LRRC37A: variants seen among roughly 807,000 people sequenced by gnomAD.
LRRC37A encodes leucine-rich repeat-containing protein 37A.
Under a neutral mutation model 35.4 loss-of-function variants are expected in LRRC37A, and 3 were observed. The ratio of observed to expected loss-of-function variants is 0.08; its 90% CI spans 0.04 to 0.22. The LOEUF is 0.22. LRRC37A is among the 10% of genes least tolerant of loss of function. The pLI, the probability that LRRC37A is intolerant of heterozygous loss-of-function variation, is 1.00. For synonymous variants in LRRC37A, 23 were observed against 215.0 expected, an observed-to-expected ratio of 0.11 and a Z score of 7.81; for missense variants, 67 against 565.3, an observed-to-expected ratio of 0.12 and a Z score of 8.94.
At chr17:46,275,768 T>G in the LRRC37A span, among the ~76,000 whole-genome samples, 1 of 152,240 alleles carries the variant, frequency 6.6e-6, no homozygotes, top group Admixed American at 6.5e-5. Context: ...TGTGTGTGTT[T>G]ATTTACACGG....
At chr17:46,248,387 T>C in the LRRC37A span, among the ~76,000 whole-genome samples, 10,063 of 133,272 alleles carry the variant, frequency 0.076, 2 homozygotes, top group Middle Eastern at 0.14. Flanking sequence ...TGTCCCTTTG[T>C]AGTCAATCAC....
the LRRC37A span, among the ~76,000 whole-genome samples, chr17:46,273,134 T>C: frequency 6.6e-6 from 1 of 152,236 alleles, no homozygotes; most frequent in East Asian, 1.9e-4. Context: ...TAAGCCCATA[T>C]ATATTTCTAT....
At chr17:46,281,578 C>T in the LRRC37A span, among the ~76,000 whole-genome samples, 7 of 152,240 alleles carry the variant, frequency 4.6e-5, no homozygotes, top group South Asian at 2.1e-4. Context: ...TACAGGTGCA[C>T]GCCACTATGC....
chr17:46,290,118 TA>T (rs1455689833), upstream of LRRC37A, among the ~76,000 whole-genome samples: 2 of 148,298 alleles, frequency 1.3e-5, no homozygotes, highest in Non-Finnish European at 3.1e-5. Flanking sequence ...GACCCTGTCT[TA>T]AAACAAAACA....
the LRRC37A span, among the ~76,000 whole-genome samples, chr17:46,257,473 A>G: frequency 2.7e-5 from 3 of 109,358 alleles, no homozygotes; most frequent in African/African-American, 9.5e-5. Context: ...AAAAAAAAAA[A>G]GTAACACTTT....
chr17:46,279,477 C>A, the LRRC37A span, among the ~76,000 whole-genome samples: 3 of 151,104 alleles, frequency 2.0e-5, no homozygotes, highest in Non-Finnish European at 4.4e-5. Context: ...AGCCACCGCA[C>A]CTGGCCTTTT....
At chr17:46,254,699 G>T in the LRRC37A span, among the ~76,000 whole-genome samples, 1 of 150,018 alleles carries the variant, frequency 6.7e-6, no homozygotes, top group Non-Finnish European at 1.5e-5. Flanking sequence ...GTGCCACCGC[G>T]CCTGGCAATT....
intron 5 of LRRC37A, among the ~76,000 whole-genome samples, chr17:46,317,374 G>C (rs2051215877): frequency 1.3e-5 from 1 of 77,060 alleles, no homozygotes; most frequent in African/African-American, 3.3e-5. Context: ...TCTTATTGAG[G>C]ATCCCTTGTA....
chr17:46,268,645 CA>C, the LRRC37A span: 6 of 1,546,786 alleles, frequency 3.9e-6, no homozygotes, highest in East Asian at 2.5e-5. Flanking sequence ...AGGTTTAACC[CA>C]AAAAGGGAAG....
At chr17:46,252,846 A>G in the LRRC37A span, among the ~76,000 whole-genome samples, 1 of 151,892 alleles carries the variant, frequency 6.6e-6, no homozygotes, top group South Asian at 2.1e-4. Flanking sequence ...TACTCCACAA[A>G]ACCGCCATTG....
chr17:46,249,222 C>T, the LRRC37A span, among the ~76,000 whole-genome samples: 1 of 152,138 alleles, frequency 6.6e-6, no homozygotes, highest in African/African-American at 2.4e-5. Flanking sequence ...GTGGAAACCC[C>T]ATCTCTACTA....
At chr17:46,272,507 C>T in the LRRC37A span, among the ~76,000 whole-genome samples, 1 of 152,188 alleles carries the variant, frequency 6.6e-6, no homozygotes, top group African/African-American at 2.4e-5. Flanking sequence ...CTCCGCCTCC[C>T]AGGTTCAAGT....
At chr17:46,253,075 G>A in the LRRC37A span, among the ~76,000 whole-genome samples, 1 of 147,518 alleles carries the variant, frequency 6.8e-6, no homozygotes, top group African/African-American at 2.4e-5. Flanking sequence ...CTCAGACAGG[G>A]CGGTTGCCGG....
chr17:46,259,019 ATTTTTTTTT>A, the LRRC37A span, among the ~76,000 whole-genome samples: 134 of 79,426 alleles, frequency 1.7e-3, 1 homozygote, highest in African/African-American at 6.2e-3. Context: ...CACCCGGCCT[ATTTTTTTTT>A]TTTTTTTTTT....
chr17:46,289,769 C>G (rs1390165322), upstream of LRRC37A, among the ~76,000 whole-genome samples: 2 of 152,190 alleles, frequency 1.3e-5, no homozygotes, highest in African/African-American at 4.8e-5. Context: ...CCCACGTTTC[C>G]TTTAAAGAGT....
the LRRC37A span, among the ~76,000 whole-genome samples, chr17:46,280,013 T>C: frequency 1.3e-5 from 2 of 152,256 alleles, no homozygotes; most frequent in Admixed American, 1.3e-4. Context: ...GCTGTACAAA[T>C]GTCACCTTGA....
At chr17:46,254,205 C>G in the LRRC37A span, among the ~76,000 whole-genome samples, 1 of 152,002 alleles carries the variant, frequency 6.6e-6, no homozygotes, top group African/African-American at 2.4e-5. Context: ...GTCCAGGAAC[C>G]GAGGAGAGGA....
At chr17:46,289,047 A>C (rs2049997077), upstream of LRRC37A, among the ~76,000 whole-genome samples, 1 of 152,112 alleles carries the variant, frequency 6.6e-6, no homozygotes, top group Admixed American at 6.5e-5. Flanking sequence ...TTTTAAGTGC[A>C]TCTCTTCTGC....
chr17:46,261,371 G>A, the LRRC37A span, among the ~76,000 whole-genome samples: 2 of 152,182 alleles, frequency 1.3e-5, no homozygotes, highest in East Asian at 1.9e-4. Context: ...GGGGGCCACT[G>A]GGGACTGGCT....
Sources: allele counts gnomAD v4.1 joint callset (sites outside exome capture counted in the v4.1 genomes callset), GRCh38; gene constraint gnomAD v4.1.1; transcripts MANE v1.5; gene names NCBI Gene and HGNC (gene_info 2026-07-23, HGNC 2026-07-21).